Variants in WT1 observed in about 807,000 individuals in gnomAD.
WT1 encodes Wilms tumor protein.
WT1 carries 8 observed loss-of-function variants against 60.8 expected under a neutral mutation model. The observed-to-expected ratio is 0.13, with a 90% CI of 0.08 to 0.24. The LOEUF (loss-of-function observed/expected upper bound fraction) is 0.24. WT1 is among the 10% of genes least tolerant of loss of function. WT1 has a pLI of 1.00. For missense variants in WT1, 568 were observed against 711.8 expected (o/e 0.80, Z 2.30); for synonymous variants, 312 against 297.1 (o/e 1.05, Z -0.52).
chr11:32,417,757 C>T (rs1852724150), intron 3 of WT1, 103 bp from the exon 4 acceptor site: 4 of 967,948 alleles, frequency 4.1e-6, no homozygotes, highest in Non-Finnish European at 6.5e-6. Context: ...AAGTGCAAGC[C>T]TCCACATTTT....
intron 9 of WT1, among the ~76,000 whole-genome samples, chr11:32,389,688 G>C (rs563678708): frequency 5.3e-5 from 8 of 151,456 alleles, no homozygotes; most frequent in Non-Finnish European, 1.2e-4. Context: ...TGGATGGGCT[G>C]GATACTTTAA....
At chr11:32,427,397 G>A (rs1190863945) in intron 3 of WT1, among the ~76,000 whole-genome samples, 1 of 152,198 alleles carries the variant, frequency 6.6e-6, no homozygotes, top group Non-Finnish European at 1.5e-5. Context: ...CTCCCCGCAG[G>A]GCCCTGTTGC....
At chr11:32,415,638 A>T (rs1852643822) in intron 5 of WT1, among the ~76,000 whole-genome samples, 1 of 152,162 alleles carries the variant, frequency 6.6e-6, no homozygotes, top group Non-Finnish European at 1.5e-5. Flanking sequence ...CAAGAGCTAA[A>T]CTCCGTCTCA....
intron 1 of WT1, chr11:32,429,075 GC>G (rs545683047): frequency 1.1e-3 from 321 of 280,440 alleles, no homozygotes; most frequent in African/African-American, 5.7e-3. Flanking sequence ...TCAGGGGCCC[GC>G]GCACCAACTT....
rs1225927150 is a variant in WT1, at chr11:32,434,894, G to T, written c.467C>A (p.Pro156Gln). The change falls in exon 1 of 10, where the codon CCG (proline) becomes CAG (glutamine). Residue 156 changes from proline to glutamine, a missense_variant. Pro to Gln is a moderately conservative substitution (Grantham distance 76, BLOSUM62 -1). Transcript: ENST00000452863. ...GGCGCTCAGGCACTGCTCCTCGTGC[G>T]GCTCCGCGCCGCCCCAGCTCGGCTC... 1 of 1,611,758 alleles carries T rather than the reference G, an allele frequency of 6.2e-7. No homozygotes were observed. Among genetic ancestry groups the T allele is most frequent in the Admixed American group, 1.7e-5 (1 of 59,940 alleles).
chr11:32,391,926 G>C (rs771827898), intron 9 of WT1, 46 bp downstream of exon 9: 1 of 1,576,072 alleles, frequency 6.3e-7, no homozygotes, highest in Non-Finnish European at 8.7e-7. Context: ...TTCCACAATA[G>C]TTTAAAAAAA....
intron 5 of WT1, among the ~76,000 whole-genome samples, chr11:32,405,739 A>G (rs1852289956): frequency 6.6e-6 from 1 of 152,142 alleles, no homozygotes; most frequent in African/African-American, 2.4e-5. Context: ...CTTGGTATGC[A>G]CTCAATAAGT....
chr11:32,407,131 T>A (rs538474909), intron 5 of WT1, among the ~76,000 whole-genome samples: 3 of 152,076 alleles, frequency 2.0e-5, no homozygotes, highest in Admixed American at 1.3e-4. Context: ...AAAAAATGCA[T>A]ACACACTTTC....
intron 2 of WT1, 124 bp from the exon 3 acceptor site, chr11:32,428,182 C>G: frequency 1.0e-6 from 1 of 973,838 alleles, no homozygotes; most frequent in South Asian, 1.7e-5. Context: ...GGATGAGCGG[C>G]GTGCAGAGCG....
At chr11:32,390,364 T>C (rs1021375500) in intron 9 of WT1, among the ~76,000 whole-genome samples, 2 of 152,156 alleles carry the variant, frequency 1.3e-5, no homozygotes, top group Non-Finnish European at 2.9e-5. Flanking sequence ...AAACAGGTCA[T>C]GTCACACTTA....
chr11:32,435,232 G>A lies in WT1; in HGVS notation c.129C>T (p.Gly43=). 6.5e-7 allele frequency: 1 copy of A among 1,535,752 alleles called. No homozygotes were observed. Among genetic ancestry groups the A allele is most frequent in the Non-Finnish European group, 8.7e-7 (1 of 1,147,108 alleles). Residue 43 remains glycine (G), a synonymous_variant, in exon 1 of 10, where the codon GGC becomes GGT. Coordinates refer to ENST00000452863, the MANE Select transcript of WT1 (RefSeq NM_024426.6). ...CGGCGGCGCCTAACTTGGCCCAGAT[G>A]CCGCCCGGGTCCCGGACTCCCTGCT...
chr11:32,412,053 A>C (rs1480854516), intron 5 of WT1, among the ~76,000 whole-genome samples: 1 of 152,110 alleles, frequency 6.6e-6, no homozygotes, highest in East Asian at 1.9e-4. Flanking sequence ...AAAGCAAGCT[A>C]TCTATTTCCA....
chr11:32,434,418 G>A (rs946813012), intron 1 of WT1, among the ~76,000 whole-genome samples: 4 of 152,220 alleles, frequency 2.6e-5, no homozygotes, highest in Admixed American at 6.5e-5. Flanking sequence ...TAGCAGTCCC[G>A]GAATCTCTCG....
Position 32,430,486 on chromosome 11 carries a change from G to GAGAGAC in WT1, c.662-1873_662-1868dup, listed in dbSNP as rs1554945689. 4.2e-4 allele frequency: 663 copies of GAGAGAC among 1,573,260 alleles called. 11 individuals carry two copies. The African/African-American group carries it at 8.0e-3, about 19-fold the overall frequency. ...AGAGAGAGAGAGAGAGAGAGAGAGA[G>GAGAGAC]AGAGACGAAATAGAAGCTACGAAGA... is the stretch of plus-strand genomic sequence containing the variant. On this transcript the variant is annotated intron_variant, in intron 1 of 9. Transcript: ENST00000452863.
chr11:32,427,826 C>G, intron 3 of WT1, 130 bp downstream of exon 3: 1 of 673,934 alleles, frequency 1.5e-6, no homozygotes, highest in Non-Finnish European at 2.5e-6. Flanking sequence ...GGAGTCGAGG[C>G]GTCTCGTGCC....
At chr11:32,419,733 G>A (rs774864502) in intron 3 of WT1, among the ~76,000 whole-genome samples, 5 of 152,176 alleles carry the variant, frequency 3.3e-5, no homozygotes, top group Admixed American at 6.5e-5. Flanking sequence ...TCACTCTGTC[G>A]CCCAGGTTAG....
At position 32,398,189 on chromosome 11, in the gene WT1, G is replaced by A. The variant is rs75344992; in HGVS notation, c.1113+1759C>T. 4.6e-3 allele frequency among the ~76,000 whole-genome samples: 695 copies of A among 152,186 alleles called. 7 individuals are homozygous for A. The highest frequency in any genetic ancestry group is 0.016 in the African/African-American group (664 of 41,514). On this transcript the variant is annotated intron_variant, in intron 6 of 9. Transcript: ENST00000452863. ...GTAGGGAGCACACTGTTCTTTCTTC[G>A]TGACACTTCTGGAAACATTAATCAG...
At chr11:32,390,651 C>T (rs751143055) in intron 9 of WT1, among the ~76,000 whole-genome samples, 5 of 152,196 alleles carry the variant, frequency 3.3e-5, no homozygotes, top group Non-Finnish European at 5.9e-5. Context: ...AACCCCACCT[C>T]CAGCAGTGCT....
Position 32,431,134 on chromosome 11 carries a change from G to A in WT1, c.662-2515C>T, listed in dbSNP as rs1853294605. 1.3e-5 allele frequency among the ~76,000 whole-genome samples: 2 copies of A among 152,188 alleles called. 1 individual carries two copies. The highest frequency in any genetic ancestry group is 4.1e-4 in the South Asian group (2 of 4,830). On this transcript the variant is annotated intron_variant, in intron 1 of 9. Coordinates refer to ENST00000452863, the MANE Select transcript of WT1 (RefSeq NM_024426.6). Reference sequence around the variant, plus strand: ...CTCCCCCGCCGGCGGCTGCAGAGAAGCCGGGAACCGCCTGGCCTGGCCGGG... The same window carrying A: ...CTCCCCCGCCGGCGGCTGCAGAGAAACCGGGAACCGCCTGGCCTGGCCGGG...
Sources: gnomAD v4.1 joint callset for allele counts (sites outside exome capture counted in the v4.1 genomes callset) on GRCh38, gnomAD v4.1.1 for gene constraint, MANE v1.5 for transcripts, NCBI Gene and HGNC (gene_info 2026-07-23, HGNC 2026-07-21) for gene names.